Variants in SNTG2 observed in about 807,000 individuals in gnomAD.
The protein encoded by SNTG2 is gamma-2-syntrophin.
A neutral mutation model predicts 70.9 loss-of-function variants in SNTG2; 74 were observed. The observed-to-expected ratio is 1.04, with a 90% CI of 0.86 to 1.27. SNTG2 has a LOEUF of 1.27. SNTG2 is among the 50% of genes most tolerant of loss of function. The pLI is 0.00. For synonymous variants in SNTG2, 278 were observed against 273.8 expected (o/e 1.02, Z -0.15); for missense variants, 717 against 690.7 (o/e 1.04, Z -0.43).
At chr2:1,178,904 T>A (rs1278791046) in intron 8 of SNTG2, among the ~76,000 whole-genome samples, 1 of 152,196 alleles carries the variant, frequency 6.6e-6, no homozygotes, top group Admixed American at 6.5e-5. Flanking sequence ...GTACCTCTGG[T>A]AGAATTCAGC....
At chr2:1,179,947 A>C (rs1364597700) in intron 8 of SNTG2, among the ~76,000 whole-genome samples, 11 of 140,276 alleles carry the variant, frequency 7.8e-5, no homozygotes, top group Non-Finnish European at 3.1e-5. Flanking sequence ...GACAAACCTG[A>C]GAAAAACAAG....
intron 7 of SNTG2, among the ~76,000 whole-genome samples, chr2:1,170,385 C>T (rs66917431): frequency 0.067 from 10,152 of 152,220 alleles, 471 homozygotes; most frequent in East Asian, 0.21. Flanking sequence ...TCAGCCCGGA[C>T]TCTCCCCACC....
intron 1 of SNTG2, among the ~76,000 whole-genome samples, chr2:1,082,365 C>G (rs564516047): frequency 6.6e-6 from 1 of 152,292 alleles, no homozygotes; most frequent in South Asian, 2.1e-4. Flanking sequence ...CAGACGCAGG[C>G]GCTGGGGCTC....
chr2:1,115,786 G>A (rs969518338), intron 4 of SNTG2, among the ~76,000 whole-genome samples: 1 of 152,250 alleles, frequency 6.6e-6, no homozygotes, highest in Non-Finnish European at 1.5e-5. Flanking sequence ...AACCCTTACA[G>A]TCCTTTGAGG....
intron 1 of SNTG2, among the ~76,000 whole-genome samples, chr2:1,040,384 C>T (rs1187963192): frequency 6.6e-6 from 1 of 152,166 alleles, no homozygotes; most frequent in African/African-American, 2.4e-5. Flanking sequence ...GATTCCGGCT[C>T]CCATGGCCCT....
intron 6 of SNTG2, among the ~76,000 whole-genome samples, chr2:1,162,265 C>T (rs531926193): frequency 1.3e-5 from 2 of 152,126 alleles, no homozygotes; most frequent in Admixed American, 6.5e-5. Context: ...AATAGACTCA[C>T]TTACCTCGGG....
At chr2:1,118,239 T>C (rs1437263724) in intron 4 of SNTG2, among the ~76,000 whole-genome samples, 1 of 152,016 alleles carries the variant, frequency 6.6e-6, no homozygotes, top group Admixed American at 6.5e-5. Flanking sequence ...CAGCTGCTTG[T>C]GGGCCGTGTC....
chr2:1,162,796 C>T (rs1480588126), intron 6 of SNTG2, among the ~76,000 whole-genome samples: 1 of 152,138 alleles, frequency 6.6e-6, no homozygotes, highest in African/African-American at 2.4e-5. Flanking sequence ...AGGATAGAAT[C>T]AGACAAATCT....
At position 1,267,569 on chromosome 2, in the gene SNTG2, G is replaced by A. The variant is rs559396253; in HGVS notation, c.1282G>A (p.Gly428Arg). The A allele has an allele frequency of 5.6e-5, 91 of 1,612,320 alleles. No individual in the cohort carries two copies. The South Asian group carries it at 6.8e-4, about 12-fold the overall frequency. The change falls in exon 14 of 17, where the codon GGG becomes AGG. Residue 428 changes from glycine to arginine, a missense_variant and splice_region_variant. Transcript: ENST00000308624. ...CACGTTCATGGAAGTTCAGAGAACC[G>A]GGGTAAGTGAACAACTCACACTCTT... is the stretch of plus-strand genomic sequence containing the variant. The part of the protein sequence containing the change: ...RATFMEVQRT[G>R]SRTYMCSWQG...
In SNTG2 at chr2:1,284,384, T is replaced by C. The variant is rs114139327; in HGVS notation, c.1284+16813T>C. Among the ~76,000 whole-genome samples, 976 of 152,332 alleles carry C rather than the reference T, an allele frequency of 6.4e-3. 5 individuals carry two copies. Among genetic ancestry groups the C allele is most frequent in the Non-Finnish European group, 0.01 (709 of 68,022 alleles). On this transcript the variant is annotated intron_variant, in intron 14 of 16. Coordinates refer to ENST00000308624, the MANE Select transcript of SNTG2 (RefSeq NM_018968.4). The stretch of plus-strand genomic sequence containing the variant: ...GGCGGCAGCCAGTTGAACCTGGAAA[T>C]GTGTGAGAACCACAAGTCCAGCATT...
Position 1,026,588 on chromosome 2 carries a change from G to A in SNTG2, c.73-56930G>A, listed in dbSNP as rs150672847. ...ATTAAATATTCATGGATGGCTCTTCGTGTTTTCCTAGGCATGAAATTGTTG... is the reference window on the plus strand; with the variant it reads ...ATTAAATATTCATGGATGGCTCTTCATGTTTTCCTAGGCATGAAATTGTTG... On this transcript the variant is annotated intron_variant, in intron 1 of 16. Transcript: ENST00000308624. Among the ~76,000 whole-genome samples, 163 of 152,284 alleles carry A rather than the reference G, an allele frequency of 1.1e-3. 1 individual carries two copies. The highest frequency in any genetic ancestry group is 6.8e-3 in the Middle Eastern group (2 of 294).
chr2:1,025,889 A>G (rs940246806), intron 1 of SNTG2, among the ~76,000 whole-genome samples: 6 of 152,192 alleles, frequency 3.9e-5, no homozygotes, highest in Non-Finnish European at 8.8e-5. Flanking sequence ...TCATTCATTC[A>G]TGAGACCCTG....
intron 2 of SNTG2, among the ~76,000 whole-genome samples, chr2:1,084,534 C>T (rs1242988982): frequency 1.3e-5 from 2 of 152,120 alleles, no homozygotes; most frequent in African/African-American, 4.8e-5. Flanking sequence ...GGGCAGGGTC[C>T]CCCTTTCAGT....
intron 1 of SNTG2, among the ~76,000 whole-genome samples, chr2:1,010,750 C>T (rs1355947986): frequency 2.0e-5 from 3 of 152,150 alleles, no homozygotes; most frequent in African/African-American, 7.2e-5. Flanking sequence ...CTGCTGCTCC[C>T]GGAGCCATTG....
intron 13 of SNTG2, among the ~76,000 whole-genome samples, chr2:1,261,580 TG>T: frequency 6.6e-6 from 1 of 152,324 alleles, no homozygotes; most frequent in South Asian, 2.1e-4. Context: ...TCGTGCAGCA[TG>T]GCAGAAAAGC....
chr2:1,138,260 C>T (rs1246885424), intron 6 of SNTG2, among the ~76,000 whole-genome samples: 1 of 152,150 alleles, frequency 6.6e-6, no homozygotes, highest in Non-Finnish European at 1.5e-5. Flanking sequence ...AGAATGTGTG[C>T]CGTGGAGGAC....
At chr2:1,119,464 C>T (rs1313353565) in intron 4 of SNTG2, among the ~76,000 whole-genome samples, 3 of 151,290 alleles carry the variant, frequency 2.0e-5, no homozygotes, top group Non-Finnish European at 4.4e-5. Flanking sequence ...AAACTAAGGC[C>T]ATAATAACTT....
chr2:1,218,065 T>A (rs1003581859), intron 9 of SNTG2, among the ~76,000 whole-genome samples: 1 of 152,038 alleles, frequency 6.6e-6, no homozygotes. Flanking sequence ...CCCACCTTTG[T>A]CAGCCAAGGG....
chr2:1,183,384 G>A (rs182778353), intron 8 of SNTG2, among the ~76,000 whole-genome samples: 1 of 152,226 alleles, frequency 6.6e-6, no homozygotes, highest in Admixed American at 6.5e-5. Flanking sequence ...GCAGTTTCAG[G>A]GTGATATGAT....
Sources: allele counts gnomAD v4.1 joint callset (sites outside exome capture counted in the v4.1 genomes callset), GRCh38; gene constraint gnomAD v4.1.1; transcripts MANE v1.5; gene names NCBI Gene and HGNC (gene_info 2026-07-23, HGNC 2026-07-21).